The following COL15A1 variants were observed in gnomAD, a reference collection of about 807,000 sequenced individuals.
COL15A1 encodes collagen alpha-1(XV) chain.
Under a neutral mutation model 165.9 loss-of-function variants are expected in COL15A1, and 111 were observed. The observed-to-expected ratio is 0.67, with a 90% confidence interval of 0.57 to 0.78. The LOEUF (loss-of-function observed/expected upper bound fraction) is 0.78, where lower values mean the gene tolerates loss of function less well. COL15A1 is among the 30% of genes least tolerant of loss of function. The pLI, the probability that COL15A1 is intolerant of heterozygous loss-of-function variation, is 0.00. For missense variants in COL15A1, 1,745 were observed against 1,789.7 expected (o/e 0.98, Z 0.45); for synonymous variants, 659 against 674.8 (o/e 0.98, Z 0.36).
intron 35 of COL15A1, among the ~76,000 whole-genome samples, chr9:99,058,571 T>C (rs941152062): frequency 2.0e-5 from 3 of 152,200 alleles, no homozygotes; most frequent in African/African-American, 7.2e-5. Flanking sequence ...CCGGGATGCC[T>C]TGCTGCATTG....
chr9:99,044,901 A>G (rs1490853069), intron 26 of COL15A1, 131 bp downstream of exon 26: 3 of 809,638 alleles, frequency 3.7e-6, no homozygotes, highest in Admixed American at 2.0e-5. Flanking sequence ...AAATGTGCAT[A>G]TACTAGGGTA....
At chr9:99,028,158 A>G (rs1215570236) in intron 16 of COL15A1, among the ~76,000 whole-genome samples, 1 of 152,232 alleles carries the variant, frequency 6.6e-6, no homozygotes. Flanking sequence ...TTAGCACAGC[A>G]CATAGACCAA....
intron 40 of COL15A1, 53 bp downstream of exon 40, chr9:99,067,120 G>A: frequency 6.8e-7 from 1 of 1,474,738 alleles, no homozygotes. Context: ...TCGCTACAGG[G>A]CCTGGAGGCA....
intron 2 of COL15A1, among the ~76,000 whole-genome samples, chr9:98,982,374 A>G (rs2118874637): frequency 6.6e-6 from 1 of 152,322 alleles, no homozygotes; most frequent in Non-Finnish European, 1.5e-5. Flanking sequence ...TTCCAAGCAA[A>G]GTCTTTGAAA....
intron 8 of COL15A1, among the ~76,000 whole-genome samples, chr9:99,004,245 T>C (rs1838717946): frequency 6.6e-6 from 1 of 151,570 alleles, no homozygotes. Context: ...GGAGAAAGGG[T>C]GGGGAAGCAA....
intron 31 of COL15A1, among the ~76,000 whole-genome samples, chr9:99,052,648 T>C (rs1839610710): frequency 6.6e-6 from 1 of 152,170 alleles, no homozygotes; most frequent in South Asian, 2.1e-4. Flanking sequence ...TAGCTGAGCC[T>C]CCTAGTTGGC....
Position 99,015,578 on chromosome 9 carries a change from C to A in COL15A1, c.1503+12C>A. ...GGGCAGTCACTTCTGTAAGTGTCATCTTGTGTCCTCTCTGGCTCACAGGGG... is the reference window on the plus strand; with the variant it reads ...GGGCAGTCACTTCTGTAAGTGTCATATTGTGTCCTCTCTGGCTCACAGGGG... On this transcript the variant is annotated intron_variant, in intron 10 of 41. Transcript: ENST00000375001. 6.2e-7 allele frequency: 1 copy of A among 1,612,434 alleles called. No homozygotes were observed. The highest frequency in any genetic ancestry group is 2.2e-5 in the East Asian group (1 of 44,872).
chr9:99,034,663 C>T, intron 17 of COL15A1, 79 bp downstream of exon 17: 1 of 1,353,870 alleles, frequency 7.4e-7, no homozygotes, highest in Non-Finnish European at 9.6e-7. Context: ...TATAATTGGA[C>T]TGCTGGGCTG....
intron 15 of COL15A1, 35 bp downstream of exon 15, chr9:99,025,034 C>T: frequency 6.2e-7 from 1 of 1,601,288 alleles, no homozygotes; most frequent in African/African-American, 1.3e-5. Context: ...ATCTCTGTGG[C>T]TGTGGGGCTT....
chr9:98,945,596 C>A (rs1050115907), intron 2 of COL15A1, among the ~76,000 whole-genome samples: 2 of 152,220 alleles, frequency 1.3e-5, no homozygotes, highest in Non-Finnish European at 2.9e-5. Flanking sequence ...CCCAAGACAG[C>A]CCATTGTCTC....
rs1194708958 is a variant in COL15A1, at chr9:99,069,817, A to G, written c.4098A>G (p.Ala1366=). Residue 1366 remains alanine, a synonymous_variant, in exon 42 of 42, where the codon GCA becomes GCG. Transcript: ENST00000375001. Reference sequence around the variant, plus strand: ...CGGGGAAGATTCTGGACCAGAAAGCATACAGCTGTGCTAATCGGCTAATTG... The same window carrying G: ...CGGGGAAGATTCTGGACCAGAAAGCGTACAGCTGTGCTAATCGGCTAATTG... ...LSTGKILDQK[A]YSCANRLIVL... is the part of the protein sequence containing the mutation. 6.2e-7 allele frequency: 1 copy of G among 1,614,244 alleles called. No individual in the cohort carries two copies. Among genetic ancestry groups the G allele is most frequent in the Non-Finnish European group, 8.5e-7 (1 of 1,180,042 alleles).
In COL15A1 at chr9:99,041,686, G is replaced by C. The variant is rs1434506573; in HGVS notation, c.2512-359G>C. Among the ~76,000 whole-genome samples the C allele has an allele frequency of 2.6e-5, 4 of 152,144 alleles. No homozygotes were observed. In the East Asian group the frequency reaches 7.7e-4, roughly 29 times the overall value. ...GTAGTGGGGAGCCAGAGAAGGGGTG[G>C]GAGTCGTGGAAGGGGATAGTGGAGG... is the stretch of plus-strand genomic sequence containing the variant. On this transcript the variant is annotated intron_variant, in intron 23 of 41. Transcript: ENST00000375001.
intron 22 of COL15A1, among the ~76,000 whole-genome samples, chr9:99,039,439 G>A (rs1432291811): frequency 6.6e-6 from 1 of 152,212 alleles, no homozygotes; most frequent in Admixed American, 6.5e-5. Context: ...AACCTGGGAG[G>A]CGGAGGTTGC....
At position 98,946,642 on chromosome 9, in the gene COL15A1, G is replaced by C. The variant is rs575014122; in HGVS notation, c.100+2392G>C. On this transcript the variant is annotated intron_variant, in intron 2 of 41. Transcript: ENST00000375001. Reference sequence around the variant, plus strand: ...GTCTGTGAACTTCTGGGCTGGTGCTGTTCCTTCCATAGGACCACTGCCCAA... The same window carrying C: ...GTCTGTGAACTTCTGGGCTGGTGCTCTTCCTTCCATAGGACCACTGCCCAA... 7.4e-4 allele frequency among the ~76,000 whole-genome samples: 113 copies of C among 152,322 alleles called. 2 individuals are homozygous for C. Among genetic ancestry groups the C allele is most frequent in the Non-Finnish European group, 7.4e-5 (5 of 68,020 alleles).
At chr9:99,049,994 G>A (rs957880875) in intron 30 of COL15A1, 99 bp downstream of exon 30, 101 of 1,521,864 alleles carry the variant, frequency 6.6e-5, no homozygotes, top group Non-Finnish European at 8.4e-5. Flanking sequence ...ATCCTCAAAT[G>A]TCCTCTCTGA....
intron 36 of COL15A1, among the ~76,000 whole-genome samples, 154 bp from the exon 37 acceptor site, chr9:99,061,817 A>C (rs1051309383): frequency 2.6e-5 from 4 of 152,224 alleles, no homozygotes; most frequent in Admixed American, 6.5e-5. Flanking sequence ...TTAGTTACTA[A>C]TGAAGGTATA....
intron 30 of COL15A1, 147 bp downstream of exon 30, chr9:99,050,042 A>G: frequency 9.4e-7 from 1 of 1,068,654 alleles, no homozygotes; most frequent in South Asian, 1.5e-5. Context: ...TCAAGTGACT[A>G]GAAGCTTTTA....
At chr9:99,037,613 C>T (rs1274926625) in intron 21 of COL15A1, among the ~76,000 whole-genome samples, 1 of 152,120 alleles carries the variant, frequency 6.6e-6, no homozygotes, top group African/African-American at 2.4e-5. Context: ...GACAGAGTTC[C>T]TGTCTTCAAG....
chr9:98,986,171 A>G, intron 3 of COL15A1, 59 bp downstream of exon 3: 1 of 1,278,266 alleles, frequency 7.8e-7, no homozygotes, highest in Non-Finnish European at 1.1e-6. Context: ...CTCGCCATGC[A>G]ATAAATGGAG....
Sources: gnomAD v4.1 joint callset for allele counts (sites outside exome capture counted in the v4.1 genomes callset) on GRCh38, gnomAD v4.1.1 for gene constraint, MANE v1.5 for transcripts, NCBI Gene and HGNC (gene_info 2026-07-23, HGNC 2026-07-21) for gene names.